The following DIAPH2 variants were observed in gnomAD, a reference collection of about 807,000 sequenced individuals.
DIAPH2 encodes the protein protein diaphanous homolog 2.
A neutral mutation model predicts 92.7 loss-of-function variants in DIAPH2; 35 were observed. That is an observed-to-expected ratio of 0.38 (90% confidence interval 0.29 to 0.50). The LOEUF is 0.50. DIAPH2 is among the 20% of genes least tolerant of loss of function. The pLI, the probability that DIAPH2 is intolerant of heterozygous loss-of-function variation, is 0.94. For missense variants in DIAPH2, 701 were observed against 819.5 expected (o/e 0.86, Z 1.77); for synonymous variants, 301 against 280.4 (o/e 1.07, Z -0.73).
intron 1 of DIAPH2, among the ~76,000 whole-genome samples, chrX:96,694,765 T>C (rs985035596): frequency 1.8e-5 from 2 of 111,903 alleles, no homozygotes; most frequent in African/African-American, 6.5e-5. Context: ...TCTGATAATA[T>C]GCTCTGCAAT....
intron 26 of DIAPH2, among the ~76,000 whole-genome samples, chrX:97,511,602 T>G (rs1412490682): frequency 9.1e-6 from 1 of 109,895 alleles, no homozygotes; most frequent in Non-Finnish European, 1.9e-5. Flanking sequence ...TCAAAGGGAA[T>G]GCTTCCAGTT....
chrX:96,899,126 G>T (rs1008469207), intron 5 of DIAPH2, among the ~76,000 whole-genome samples: 1 of 110,658 alleles, frequency 9.0e-6, no homozygotes, highest in Non-Finnish European at 1.9e-5. Flanking sequence ...TTTGGTTACT[G>T]TAGGCTTGTA....
chrX:97,289,717 T>A (rs1046344591), intron 23 of DIAPH2, among the ~76,000 whole-genome samples: 3 of 106,332 alleles, frequency 2.8e-5, no homozygotes, highest in African/African-American at 1.0e-4. Flanking sequence ...ACAATCCAAT[T>A]TTTTTTTTTT....
intron 22 of DIAPH2, among the ~76,000 whole-genome samples, chrX:97,225,584 C>T (rs1389537013): frequency 9.0e-6 from 1 of 111,670 alleles, no homozygotes; most frequent in Non-Finnish European, 1.9e-5. Flanking sequence ...GTATTAAAAA[C>T]TTTACTGCTG....
At position 97,405,833 on chromosome X, in the gene DIAPH2, G is replaced by A. The variant is rs139140117; in HGVS notation, c.3145+21789G>A. Among the ~76,000 whole-genome samples the A allele has an allele frequency of 3.8e-3, 427 of 111,307 alleles. 2 individuals carry two copies. Among genetic ancestry groups the A allele is most frequent in the African/African-American group, 0.013 (409 of 30,633 alleles). ...GAAATATATAATTCCCAAACAGAAA[G>A]GTAATATCCTAGTATTACTTAATCA... On this transcript the variant is annotated intron_variant, in intron 25 of 26. Transcript: ENST00000324765.
intron 22 of DIAPH2, among the ~76,000 whole-genome samples, chrX:97,246,077 A>G (rs868137500): frequency 1.2e-5 from 1 of 81,149 alleles, no homozygotes; most frequent in East Asian, 3.9e-4. Context: ...TAATTTTTGT[A>G]TTTTTTTTTT....
intron 23 of DIAPH2, among the ~76,000 whole-genome samples, chrX:97,262,525 A>G (rs2068297248): frequency 8.9e-6 from 1 of 112,342 alleles, no homozygotes; most frequent in African/African-American, 3.2e-5. Context: ...CATGGAAGAC[A>G]TTGTATAAGG....
chrX:97,090,188 ATTG>A (rs1395478747), intron 19 of DIAPH2, among the ~76,000 whole-genome samples: 3 of 111,041 alleles, frequency 2.7e-5, no homozygotes, highest in Non-Finnish European at 5.7e-5. Flanking sequence ...TAGATTTGTA[ATTG>A]TTGTAGGATT....
chrX:97,476,984 T>TATATAC (rs1280074551), intron 26 of DIAPH2, among the ~76,000 whole-genome samples: 20 of 57,064 alleles, frequency 3.5e-4, no homozygotes, highest in Admixed American at 4.8e-4. Context: ...TATATATATA[T>TATATAC]ACACACACAC....
chrX:96,854,625 A>ATATATATATATATATATC (rs2065027618), intron 4 of DIAPH2, among the ~76,000 whole-genome samples: 1 of 75,827 alleles, frequency 1.3e-5, no homozygotes, highest in African/African-American at 5.0e-5. Flanking sequence ...ATATATATAT[A>ATATATATATATATATATC]TATATATATA....
intron 26 of DIAPH2, among the ~76,000 whole-genome samples, chrX:97,473,805 C>A (rs1462127069): frequency 2.7e-5 from 3 of 110,708 alleles, no homozygotes; most frequent in African/African-American, 9.8e-5. Context: ...ACTAAAAATA[C>A]AAAAATTAGC....
chrX:97,251,665 A>C (rs1046705008), intron 23 of DIAPH2, among the ~76,000 whole-genome samples: 19 of 111,497 alleles, frequency 1.7e-4, no homozygotes, highest in Admixed American at 1.9e-4. Context: ...TCAGGTGACC[A>C]GCCCACCTCA....
chrX:97,141,130 A>G (rs758216402), intron 21 of DIAPH2, among the ~76,000 whole-genome samples: 2 of 82,398 alleles, frequency 2.4e-5, no homozygotes, highest in East Asian at 3.8e-4. Context: ...TCAGGATTGT[A>G]TGGTGAGATT....
chrX:96,750,051 G>GTTTTTTT (rs753887199), intron 3 of DIAPH2, among the ~76,000 whole-genome samples: 10 of 71,045 alleles, frequency 1.4e-4, no homozygotes, highest in African/African-American at 2.3e-4. Flanking sequence ...TATATTTCAA[G>GTTTTTTT]TTTTTTTTTT....
intron 26 of DIAPH2, among the ~76,000 whole-genome samples, chrX:97,593,820 T>C (rs926585166): frequency 9.0e-6 from 1 of 111,487 alleles, no homozygotes; most frequent in Non-Finnish European, 1.9e-5. Context: ...GCAAAAGACA[T>C]GATCAGTATA....
intron 17 of DIAPH2, among the ~76,000 whole-genome samples, chrX:97,061,926 T>A (rs1307279051): frequency 9.0e-6 from 1 of 111,087 alleles, no homozygotes; most frequent in Non-Finnish European, 1.9e-5. Flanking sequence ...GTGACACCTG[T>A]ACCTATAAAA....
At position 97,012,237 on chromosome X, in the gene DIAPH2, T is replaced by A. The variant is rs186049305; in HGVS notation, c.2050+47030T>A. ...TAGTTCCTGAGGTGAATGACCTCAA[T>A]GATCACAAGATAATAGCCACTAACA... On this transcript the variant is annotated intron_variant, in intron 17 of 26. Coordinates refer to ENST00000324765, the MANE Select transcript of DIAPH2 (RefSeq NM_006729.5). Among the ~76,000 whole-genome samples, 99 of 112,270 alleles carry A rather than the reference T, an allele frequency of 8.8e-4. No homozygotes were observed. In the Middle Eastern group the frequency reaches 0.014, roughly 16 times the overall value.
intron 26 of DIAPH2, among the ~76,000 whole-genome samples, chrX:97,544,002 T>C (rs1456540516): frequency 8.9e-6 from 1 of 112,395 alleles, no homozygotes; most frequent in Non-Finnish European, 1.9e-5. Flanking sequence ...ACCTTAAATG[T>C]AAATAGATCG....
At chrX:97,170,568 A>T (rs1180562086) in intron 22 of DIAPH2, among the ~76,000 whole-genome samples, 2 of 111,700 alleles carry the variant, frequency 1.8e-5, no homozygotes, top group African/African-American at 6.5e-5. Context: ...ATTGGAGGAG[A>T]TTGAAGAGAG....
Sources: gnomAD v4.1 joint callset for allele counts (sites outside exome capture counted in the v4.1 genomes callset) on GRCh38, gnomAD v4.1.1 for gene constraint, MANE v1.5 for transcripts, NCBI Gene and HGNC (gene_info 2026-07-23, HGNC 2026-07-21) for gene names.